The following IGF2BP2 variants were observed in gnomAD, a reference collection of about 807,000 sequenced individuals.
The protein encoded by IGF2BP2 is insulin-like growth factor 2 mRNA-binding protein 2.
A neutral mutation model predicts 75.8 loss-of-function variants in IGF2BP2; 17 were observed. The ratio of observed to expected loss-of-function variants is 0.22; its 90% CI spans 0.15 to 0.34. IGF2BP2 has a LOEUF of 0.34. Among genes scored for constraint, IGF2BP2 ranks in the 10% least tolerant of loss-of-function variants. IGF2BP2 has a pLI of 1.00. For missense variants in IGF2BP2, 516 were observed against 772.4 expected (o/e 0.67, Z 3.93); for synonymous variants, 288 against 295.6 (o/e 0.97, Z 0.26).
chr3:185,675,663 T>C (rs925327708), intron 8 of IGF2BP2, 128 bp downstream of exon 8: 4 of 1,255,890 alleles, frequency 3.2e-6, no homozygotes, highest in Admixed American at 2.3e-5. Flanking sequence ...TTTTAAAAGA[T>C]GATGGAGATA....
At chr3:185,731,745 C>T (rs369530626) in intron 2 of IGF2BP2, among the ~76,000 whole-genome samples, 87 of 151,902 alleles carry the variant, frequency 5.7e-4, no homozygotes, top group African/African-American at 1.8e-3. Flanking sequence ...GAGGCCGAGG[C>T]GGGCGGATCA....
chr3:185,783,463 T>C (rs924208831), intron 2 of IGF2BP2, among the ~76,000 whole-genome samples: 3 of 152,026 alleles, frequency 2.0e-5, no homozygotes, highest in Non-Finnish European at 4.4e-5. Context: ...GGACAAAGAG[T>C]TCCCAAGATT....
At chr3:185,770,014 A>G (rs1392646845) in intron 2 of IGF2BP2, among the ~76,000 whole-genome samples, 1 of 152,130 alleles carries the variant, frequency 6.6e-6, no homozygotes, top group African/African-American at 2.4e-5. Context: ...CCCTCTTCCC[A>G]AAGTTCGGCC....
intron 2 of IGF2BP2, among the ~76,000 whole-genome samples, chr3:185,719,901 G>C (rs1281169133): frequency 6.6e-6 from 1 of 152,056 alleles, no homozygotes; most frequent in African/African-American, 2.4e-5. Context: ...ATAAAGAAGT[G>C]AGCCTTGATA....
rs528891504 is a variant in IGF2BP2, at chr3:185,668,519, A to ATAT, written c.1200+4019_1200+4021dup. ...GAGAGAGAGAGAGAGATATATATAT[A>ATAT]TATATATATATATAGTGTACTACAT... On this transcript the variant is annotated intron_variant, in intron 10 of 15. Transcript: ENST00000382199. Among the ~76,000 whole-genome samples, 1,468 of 147,936 alleles carry ATAT rather than the reference A, an allele frequency of 9.9e-3. 11 individuals are homozygous for ATAT. Among genetic ancestry groups the ATAT allele is most frequent in the Non-Finnish European group, 0.015 (1,028 of 67,090 alleles).
At chr3:185,708,883 C>T (rs77671565) in intron 2 of IGF2BP2, among the ~76,000 whole-genome samples, 2 of 152,312 alleles carry the variant, frequency 1.3e-5, no homozygotes, top group African/African-American at 2.4e-5. Context: ...AGCCAAACAT[C>T]TGCATGCCTG....
chr3:185,677,068 TAGAGAGAG>T lies in IGF2BP2; in HGVS notation c.813-1163_813-1156del, dbSNP rs71164535. On this transcript the variant is annotated intron_variant, in intron 7 of 15. Transcript: ENST00000382199. ...AGATATATATATATATATATATATA[TAGAGAGAG>T]AGAGAGAGAGAGAGAGAGAGAGAGA... Among the ~76,000 whole-genome samples the T allele has an allele frequency of 1.3e-3, 45 of 35,852 alleles. 1 individual carries two copies. The highest frequency in any genetic ancestry group is 2.2e-3 in the South Asian group (2 of 896). 23.5% of individuals were successfully genotyped at this position (35,852 alleles called of 152,430 possible). A position where few individuals can be genotyped will look rare whatever the true frequency, so the allele number is the denominator to read the frequency against.
chr3:185,811,830 G>GTCTGTCTCTCTCTC (rs1739881258), intron 2 of IGF2BP2, among the ~76,000 whole-genome samples: 30 of 120,806 alleles, frequency 2.5e-4, no homozygotes, highest in Non-Finnish European at 4.7e-4. Context: ...AGAGTAGGGT[G>GTCTGTCTCTCTCTC]TCTCTCTCTC....
At chr3:185,714,358 A>G (rs960153066) in intron 2 of IGF2BP2, among the ~76,000 whole-genome samples, 1 of 152,216 alleles carries the variant, frequency 6.6e-6, no homozygotes, top group Non-Finnish European at 1.5e-5. Context: ...AAATGCTGCA[A>G]TGAATATCTA....
intron 2 of IGF2BP2, among the ~76,000 whole-genome samples, chr3:185,715,827 G>C (rs1393746896): frequency 6.6e-6 from 1 of 151,958 alleles, no homozygotes. Flanking sequence ...TGTATTTTTA[G>C]TAGAGACGGG....
intron 2 of IGF2BP2, among the ~76,000 whole-genome samples, chr3:185,795,030 T>A (rs1251231696): frequency 6.6e-6 from 1 of 152,064 alleles, no homozygotes; most frequent in African/African-American, 2.4e-5. Context: ...CCTGACTTGC[T>A]GGAACTACAG....
At chr3:185,801,246 T>C (rs369309465) in intron 2 of IGF2BP2, among the ~76,000 whole-genome samples, 34 of 152,184 alleles carry the variant, frequency 2.2e-4, no homozygotes, top group Non-Finnish European at 8.8e-5. Context: ...TCCCAGCACT[T>C]TGGGAGGCCG....
chr3:185,742,477 C>G (rs190828322), intron 2 of IGF2BP2, among the ~76,000 whole-genome samples: 74 of 151,974 alleles, frequency 4.9e-4, no homozygotes, highest in Admixed American at 1.9e-3. Context: ...GCCTGGGCAA[C>G]AGAGTGAGAC....
chr3:185,740,260 A>C (rs1015411341), intron 2 of IGF2BP2, among the ~76,000 whole-genome samples: 1 of 152,252 alleles, frequency 6.6e-6, no homozygotes, highest in Non-Finnish European at 1.5e-5. Flanking sequence ...ATATTTAGAA[A>C]GATACATATC....
At chr3:185,757,552 CT>C in intron 2 of IGF2BP2, among the ~76,000 whole-genome samples, 1 of 148,582 alleles carries the variant, frequency 6.7e-6, no homozygotes, top group Non-Finnish European at 1.5e-5. Context: ...GCAGCCCTGA[CT>C]TCCCGGGTTC....
intron 2 of IGF2BP2, among the ~76,000 whole-genome samples, chr3:185,789,328 G>A (rs567634226): frequency 1.9e-4 from 29 of 152,192 alleles, no homozygotes; most frequent in Middle Eastern, 6.8e-3. Context: ...AGCCTATCAC[G>A]CACCCCTTAG....
At chr3:185,672,278 T>C (rs1249284547) in intron 10 of IGF2BP2, among the ~76,000 whole-genome samples, 2 of 152,200 alleles carry the variant, frequency 1.3e-5, no homozygotes, top group African/African-American at 2.4e-5. Flanking sequence ...TAGCTTCTAG[T>C]TGATGAATTT....
At chr3:185,665,979 T>C (rs1238160967) in intron 10 of IGF2BP2, among the ~76,000 whole-genome samples, 1 of 148,468 alleles carries the variant, frequency 6.7e-6, no homozygotes, top group African/African-American at 2.5e-5. Flanking sequence ...GATAGACAGA[T>C]AGATAGATAG....
intron 2 of IGF2BP2, among the ~76,000 whole-genome samples, chr3:185,754,002 G>C (rs988425403): frequency 7.9e-5 from 12 of 151,742 alleles, no homozygotes; most frequent in Admixed American, 3.9e-4. Context: ...TCAGGAGTTC[G>C]AGACCACCCT....
Sources: gnomAD v4.1 joint callset for allele counts (sites outside exome capture counted in the v4.1 genomes callset) on GRCh38, gnomAD v4.1.1 for gene constraint, MANE v1.5 for transcripts, NCBI Gene and HGNC (gene_info 2026-07-23, HGNC 2026-07-21) for gene names.